Variants in RIMS4 observed in about 807,000 individuals in gnomAD.
The protein encoded by RIMS4 is regulating synaptic membrane exocytosis 4.
A neutral mutation model predicts 29.0 loss-of-function variants in RIMS4; 9 were observed. The ratio of observed to expected loss-of-function variants is 0.31; its 90% confidence interval spans 0.19 to 0.54. The LOEUF is 0.54. RIMS4 is among the 20% of genes least tolerant of loss of function. RIMS4 has a pLI of 0.94. For synonymous variants in RIMS4, 130 were observed against 152.9 expected, an observed-to-expected ratio of 0.85 and a Z score of 1.10; for missense variants, 193 against 365.7, an observed-to-expected ratio of 0.53 and a Z score of 3.85.
chr20:44,810,519 C>CGGCGGCGGCGGCGGT lies in RIMS4; in HGVS notation c.-249_-248insACCGCCGCCGCCGCC, dbSNP rs1555866081. ...GCGGCGGCGGCGGCGGCGGCGGTGG[C>CGGCGGCGGCGGCGGT]GGCGGCGGTGGCGGCGCAGCGCGCT... On this transcript the variant is annotated 5_prime_UTR_variant, in exon 1 of 6. Coordinates refer to ENST00000372851, the MANE Select transcript of RIMS4 (RefSeq NM_182970.4). Among the ~76,000 whole-genome samples the CGGCGGCGGCGGCGGT allele has an allele frequency of 7.0e-6, 1 of 142,378 alleles. No homozygotes were observed. The highest frequency in any genetic ancestry group is 6.9e-5 in the Admixed American group (1 of 14,430). The allele number at this position is 142,378 out of a possible 152,430, so 93.4% of individuals were successfully genotyped here.
At position 44,754,190 on chromosome 20, in the gene RIMS4, C is replaced by T. The variant is rs1004085746; in HGVS notation, c.*1944G>A. 6 of 152,292 alleles carry T rather than the reference C, an allele frequency of 3.9e-5. No individual in the cohort carries two copies. Among genetic ancestry groups the T allele is most frequent in the Admixed American group, 3.9e-4 (6 of 15,286 alleles). The allele number at this position is 152,292 out of a possible 1,614,324, so 9.4% of individuals were successfully genotyped here. Reference sequence around the variant, plus strand: ...CTCCAGAGCCCTGCTCCTTCCACCCCCAGCCTTGGGATTCCACCCACCGCG... The same window carrying T: ...CTCCAGAGCCCTGCTCCTTCCACCCTCAGCCTTGGGATTCCACCCACCGCG... On this transcript the variant is annotated 3_prime_UTR_variant, in exon 6 of 6. Transcript: ENST00000372851.
At chr20:44,801,428 C>T (rs1458395376) in intron 1 of RIMS4, among the ~76,000 whole-genome samples, 1 of 152,138 alleles carries the variant, frequency 6.6e-6, no homozygotes, top group Non-Finnish European at 1.5e-5. Context: ...AGTAAACTCC[C>T]CCGGGAGCAT....
intron 4 of RIMS4, 24 bp from the exon 5 acceptor site, chr20:44,757,061 T>G (rs1601016247): frequency 6.2e-7 from 1 of 1,609,192 alleles, no homozygotes; most frequent in Admixed American, 1.7e-5. Flanking sequence ...CCAGCAGGGG[T>G]GAGTTCTAGT....
At chr20:44,782,274 C>T (rs1018087286) in intron 1 of RIMS4, among the ~76,000 whole-genome samples, 4 of 152,076 alleles carry the variant, frequency 2.6e-5, no homozygotes, top group African/African-American at 7.2e-5. Context: ...CTTAACATAC[C>T]TTATTTTTCT....
At chr20:44,795,306 C>T (rs897914903) in intron 1 of RIMS4, among the ~76,000 whole-genome samples, 1 of 152,160 alleles carries the variant, frequency 6.6e-6, no homozygotes, top group African/African-American at 2.4e-5. Flanking sequence ...GGCAACTTAC[C>T]TAATGTTTCT....
intron 1 of RIMS4, among the ~76,000 whole-genome samples, chr20:44,803,583 G>A (rs2066285867): frequency 6.6e-6 from 1 of 151,982 alleles, no homozygotes; most frequent in South Asian, 2.1e-4. Context: ...ACTGCTAAAT[G>A]CAGTTACAAT....
rs547534339 is a variant in RIMS4, at chr20:44,755,953, C to T, written c.*181G>A. ...AATCCCGTTGGGAGAGGGGAGGTCT[C>T]GGGGGTAGGAGGCAAAGAAGGGGTG... On this transcript the variant is annotated 3_prime_UTR_variant, in exon 6 of 6. Coordinates refer to ENST00000372851, the MANE Select transcript of RIMS4 (RefSeq NM_182970.4). The T allele has an allele frequency of 8.3e-5, 48 of 575,332 alleles. 1 individual carries two copies. The highest frequency in any genetic ancestry group is 1.9e-4 in the African/African-American group (10 of 52,612). The allele number at this position is 575,332 out of a possible 1,614,324, so 35.6% of individuals were successfully genotyped here. A position where few individuals can be genotyped will look rare whatever the true frequency, so the allele number is the denominator to read the frequency against.
At chr20:44,781,783 T>C in intron 1 of RIMS4, among the ~76,000 whole-genome samples, 1 of 152,148 alleles carries the variant, frequency 6.6e-6, no homozygotes. Flanking sequence ...CCATCAGCAT[T>C]TGGGACAAGC....
Position 44,753,452 on chromosome 20 carries a change from G to A in RIMS4, c.*2682C>T, listed in dbSNP as rs1269828711. Reference sequence around the variant, plus strand: ...TTCAAGGGGGTTCTGGAGAAGGAGAGTGGAGATGGCTCCTTCCCATGGTAT... The same window carrying A: ...TTCAAGGGGGTTCTGGAGAAGGAGAATGGAGATGGCTCCTTCCCATGGTAT... On this transcript the variant is annotated 3_prime_UTR_variant, in exon 6 of 6. Transcript: ENST00000372851. 6.6e-6 allele frequency: 1 copy of A among 152,204 alleles called. No individual in the cohort carries two copies. The highest frequency in any genetic ancestry group is 1.5e-5 in the Non-Finnish European group (1 of 68,054). The allele number at this position is 152,204 out of a possible 1,614,324, so 9.4% of individuals were successfully genotyped here. A position where few individuals can be genotyped will look rare whatever the true frequency, so the allele number is the denominator to read the frequency against.
intron 1 of RIMS4, among the ~76,000 whole-genome samples, chr20:44,772,743 C>A (rs2145455146): frequency 6.6e-6 from 1 of 152,280 alleles, no homozygotes; most frequent in Non-Finnish European, 1.5e-5. Context: ...CCAAGAGGAT[C>A]CTTCAATGCT....
chr20:44,770,927 G>C (rs1204544447), intron 2 of RIMS4, among the ~76,000 whole-genome samples: 1 of 152,156 alleles, frequency 6.6e-6, no homozygotes, highest in Non-Finnish European at 1.5e-5. Context: ...TATCACCCCT[G>C]CATTATATGG....
At chr20:44,790,919 C>T (rs112514369) in intron 1 of RIMS4, among the ~76,000 whole-genome samples, 56 of 152,316 alleles carry the variant, frequency 3.7e-4, no homozygotes, top group African/African-American at 1.2e-3. Context: ...TCTATAAGAA[C>T]GGGAGCAGAA....
intron 1 of RIMS4, among the ~76,000 whole-genome samples, chr20:44,790,500 T>C (rs914970187): frequency 6.6e-6 from 1 of 152,178 alleles, no homozygotes; most frequent in African/African-American, 2.4e-5. Flanking sequence ...GGACCTCTCC[T>C]TGGGGTCCCA....
At chr20:44,765,099 T>C (rs1383251314) in intron 2 of RIMS4, among the ~76,000 whole-genome samples, 1 of 152,208 alleles carries the variant, frequency 6.6e-6, no homozygotes, top group Non-Finnish European at 1.5e-5. Context: ...TTTTATAAAA[T>C]GGGAAACTGA....
At chr20:44,806,814 A>G (rs1477715440) in intron 1 of RIMS4, among the ~76,000 whole-genome samples, 1 of 152,178 alleles carries the variant, frequency 6.6e-6, no homozygotes, top group African/African-American at 2.4e-5. Flanking sequence ...GTGACCTTGG[A>G]TGAATTAATA....
chr20:44,807,719 G>C (rs2066304993), intron 1 of RIMS4, among the ~76,000 whole-genome samples: 1 of 152,166 alleles, frequency 6.6e-6, no homozygotes, highest in African/African-American at 2.4e-5. Flanking sequence ...GAAAATTAAT[G>C]ACTTTAAGGA....
chr20:44,788,846 A>G (rs2066220187), intron 1 of RIMS4, among the ~76,000 whole-genome samples: 1 of 152,192 alleles, frequency 6.6e-6, no homozygotes, highest in Non-Finnish European at 1.5e-5. Context: ...ACTGCCATTT[A>G]GTAATAACTT....
intron 1 of RIMS4, among the ~76,000 whole-genome samples, chr20:44,789,922 G>T (rs1232773876): frequency 4.6e-5 from 7 of 152,240 alleles, no homozygotes; most frequent in African/African-American, 1.7e-4. Flanking sequence ...TGAGCTGCCT[G>T]TCAACAGAAT....
chr20:44,760,467 G>A (rs1165661934), intron 2 of RIMS4, among the ~76,000 whole-genome samples: 1 of 152,190 alleles, frequency 6.6e-6, no homozygotes, highest in Non-Finnish European at 1.5e-5. Context: ...TAGAGGCCTG[G>A]TGGTCTGGGC....
Sources: allele counts gnomAD v4.1 joint callset (sites outside exome capture counted in the v4.1 genomes callset), GRCh38; gene constraint gnomAD v4.1.1; transcripts MANE v1.5; gene names NCBI Gene and HGNC (gene_info 2026-07-23, HGNC 2026-07-21).